The following SEPTIN9 variants were observed in gnomAD, a reference collection of about 807,000 sequenced individuals.
SEPTIN9 encodes septin-9.
Under a neutral mutation model 56.6 loss-of-function variants are expected in SEPTIN9, and 13 were observed. The observed-to-expected ratio is 0.23, with a 90% CI of 0.15 to 0.37. The LOEUF (loss-of-function observed/expected upper bound fraction) is 0.37. Among genes scored for constraint, SEPTIN9 ranks in the 10% least tolerant of loss-of-function variants. The pLI is 1.00. For missense variants in SEPTIN9, 650 were observed against 823.1 expected, an observed-to-expected ratio of 0.79 and a Z score of 2.57; for synonymous variants, 332 against 334.1, an observed-to-expected ratio of 0.99 and a Z score of 0.07.
chr17:77,300,148 A>G (rs2031974060), intron 1 of SEPTIN9, among the ~76,000 whole-genome samples: 1 of 152,072 alleles, frequency 6.6e-6, no homozygotes, highest in Non-Finnish European at 1.5e-5. Flanking sequence ...CCCAGGTTGG[A>G]GTGCAGTGGC....
chr17:77,368,065 C>CT (rs1237331283), intron 2 of SEPTIN9, among the ~76,000 whole-genome samples: 1 of 152,172 alleles, frequency 6.6e-6, no homozygotes, highest in African/African-American at 2.4e-5. Context: ...GTAAGCCTGT[C>CT]TCACAAGGAC....
chr17:77,334,660 C>G (rs1316217707), intron 2 of SEPTIN9, among the ~76,000 whole-genome samples: 1 of 152,004 alleles, frequency 6.6e-6, no homozygotes, highest in Non-Finnish European at 1.5e-5. Context: ...TTTGCCTACA[C>G]TAAGGTCAAA....
intron 1 of SEPTIN9, among the ~76,000 whole-genome samples, chr17:77,301,382 A>G (rs571000741): frequency 7.1e-6 from 1 of 140,048 alleles, no homozygotes; most frequent in Non-Finnish European, 1.5e-5. Context: ...AAGAAAAAAA[A>G]TGGGAATAGA....
intron 2 of SEPTIN9, among the ~76,000 whole-genome samples, chr17:77,399,417 A>G (rs1372629132): frequency 6.6e-6 from 1 of 152,114 alleles, no homozygotes; most frequent in East Asian, 1.9e-4. Context: ...TACAGCACCC[A>G]TAGGACAGAG....
At chr17:77,291,171 G>A (rs1198105332) in intron 1 of SEPTIN9, among the ~76,000 whole-genome samples, 1 of 150,834 alleles carries the variant, frequency 6.6e-6, no homozygotes, top group Non-Finnish European at 1.5e-5. Flanking sequence ...GAATAGCTGC[G>A]ATTACAGGCA....
intron 3 of SEPTIN9, among the ~76,000 whole-genome samples, chr17:77,480,250 G>C (rs930708501): frequency 2.0e-5 from 3 of 152,234 alleles, no homozygotes; most frequent in African/African-American, 7.2e-5. Context: ...TGGAGGCTGA[G>C]AAGACGGGGA....
At chr17:77,419,573 G>T (rs1188794234) in intron 3 of SEPTIN9, among the ~76,000 whole-genome samples, 2 of 152,188 alleles carry the variant, frequency 1.3e-5, no homozygotes, top group Non-Finnish European at 2.9e-5. Context: ...GTGGTCTGTT[G>T]CCCAGCCTAG....
rs544014504 is a variant in SEPTIN9 at position 77,405,449 on chromosome 17, C to T, written c.721+2746C>T. 2.1e-4 allele frequency among the ~76,000 whole-genome samples: 32 copies of T among 152,306 alleles called. No individual in the cohort carries two copies. The highest frequency in any genetic ancestry group is 7.7e-4 in the African/African-American group (32 of 41,560). On this transcript the variant is annotated intron_variant, in intron 3 of 11. Coordinates refer to ENST00000427177, the MANE Select transcript of SEPTIN9 (RefSeq NM_001113491.2). This position sits in a 1 kb window ranked among gnomAD's most constrained non-coding sequence, Gnocchi z 5.8. ...GCTCTGGGGGGACGGTGGCTTTCTCCATGGAATAGGATGTACACGTTGGAG... is the reference window on the plus strand; with the variant it reads ...GCTCTGGGGGGACGGTGGCTTTCTCTATGGAATAGGATGTACACGTTGGAG...
intron 2 of SEPTIN9, among the ~76,000 whole-genome samples, chr17:77,347,438 T>G (rs1476966193): frequency 6.6e-6 from 1 of 152,062 alleles, no homozygotes; most frequent in Non-Finnish European, 1.5e-5. Context: ...CTCCCTTTAA[T>G]TCTTTCAGGT....
At chr17:77,379,319 G>A (rs1448244309) in intron 2 of SEPTIN9, among the ~76,000 whole-genome samples, 1 of 151,906 alleles carries the variant, frequency 6.6e-6, no homozygotes, top group African/African-American at 2.4e-5. Flanking sequence ...TCAGTATCAG[G>A]CAGTCACCAC....
intron 3 of SEPTIN9, among the ~76,000 whole-genome samples, chr17:77,406,806 G>C (rs1233349759): frequency 6.6e-6 from 1 of 152,136 alleles, no homozygotes; most frequent in Non-Finnish European, 1.5e-5. Context: ...GAGTAGCTGG[G>C]ACTATAGGCG....
At chr17:77,351,876 C>T (rs2034075113) in intron 2 of SEPTIN9, among the ~76,000 whole-genome samples, 1 of 152,244 alleles carries the variant, frequency 6.6e-6, no homozygotes, top group Non-Finnish European at 1.5e-5. Context: ...ACAGGGGCCC[C>T]GACATGGCAG....
At position 77,475,122 on chromosome 17, in the gene SEPTIN9, G is replaced by A. The variant is rs1419915267; in HGVS notation, c.722-7022G>A. 4.5e-5 allele frequency: 30 copies of A among 666,994 alleles called. No homozygotes were observed. The highest frequency in any genetic ancestry group is 6.3e-5 in the South Asian group (1 of 15,994). The allele number at this position is 666,994 out of a possible 1,614,324, so 41.3% of individuals were successfully genotyped here. On this transcript the variant is annotated intron_variant, in intron 3 of 11. Coordinates refer to ENST00000427177, the MANE Select transcript of SEPTIN9 (RefSeq NM_001113491.2). This position sits in a 1 kb window ranked among gnomAD's most constrained non-coding sequence, Gnocchi z 4.6. ...ACCAGACTTTTTGCCGGGGCTTGCC[G>A]TGAGCCCTACGCTGCTCTGAAGAAA... is the stretch of plus-strand genomic sequence containing the variant.
At chr17:77,335,871 C>T (rs2143732007) in intron 2 of SEPTIN9, among the ~76,000 whole-genome samples, 5 of 102,196 alleles carry the variant, frequency 4.9e-5, no homozygotes, top group East Asian at 2.1e-4. Flanking sequence ...TATATGTGGT[C>T]CTGTATTAGT....
At chr17:77,373,119 A>C in intron 2 of SEPTIN9, 1 of 882,504 alleles carries the variant, frequency 1.1e-6, no homozygotes, top group Non-Finnish European at 1.4e-6. Context: ...GGCGCGGGCC[A>C]GGCGGGGAGG....
intron 3 of SEPTIN9, among the ~76,000 whole-genome samples, chr17:77,448,434 C>A (rs1478000693): frequency 6.6e-6 from 1 of 151,780 alleles, no homozygotes; most frequent in African/African-American, 2.4e-5. Context: ...CAAGATCACG[C>A]CATTGCGCTC....
chr17:77,322,374 G>A (rs919940730), intron 2 of SEPTIN9, among the ~76,000 whole-genome samples: 1 of 152,162 alleles, frequency 6.6e-6, no homozygotes, highest in South Asian at 2.1e-4. Context: ...ACCTCCCCTC[G>A]GGCTGTGCCT....
Position 77,451,574 on chromosome 17 carries a change from G to C in SEPTIN9, c.722-30570G>C, listed in dbSNP as rs944514844. On this transcript the variant is annotated intron_variant, in intron 3 of 11. Transcript: ENST00000427177. This position sits in a 1 kb window ranked among gnomAD's most constrained non-coding sequence, Gnocchi z 4.2. Reference sequence around the variant, plus strand: ...CTTCCCAGCCTTGCACCACTGGCTCGGGGGCTCTCAGGTGGCGCGGCCGCG... The same window carrying C: ...CTTCCCAGCCTTGCACCACTGGCTCCGGGGCTCTCAGGTGGCGCGGCCGCG... 3.7e-5 allele frequency: 36 copies of C among 984,306 alleles called. No homozygotes were observed. The highest frequency in any genetic ancestry group is 3.3e-4 in the South Asian group (7 of 21,268). The allele number at this position is 984,306 out of a possible 1,614,324, so 61.0% of individuals were successfully genotyped here.
chr17:77,339,460 A>G (rs1298219159), intron 2 of SEPTIN9, among the ~76,000 whole-genome samples: 1 of 152,162 alleles, frequency 6.6e-6, no homozygotes, highest in African/African-American at 2.4e-5. Flanking sequence ...TGCATTGTCA[A>G]TGAGCAATAA....
Sources: allele counts gnomAD v4.1 joint callset (sites outside exome capture counted in the v4.1 genomes callset), GRCh38; gene constraint gnomAD v4.1.1; non-coding constraint Gnocchi (gnomAD v3.1); transcripts MANE v1.5; gene names NCBI Gene and HGNC (gene_info 2026-07-23, HGNC 2026-07-21).